Variants in CCDC77 observed in about 807,000 individuals in gnomAD.
The protein encoded by CCDC77 is coiled-coil domain containing 77, also known as coiled-coil domain-containing protein 77.
A neutral mutation model predicts 66.8 loss-of-function variants in CCDC77; 56 were observed. That is an observed-to-expected ratio of 0.84 (90% CI 0.68 to 1.05). CCDC77 has a LOEUF of 1.05. CCDC77 is among the 50% of genes least tolerant of loss of function. The pLI is 0.00. For missense variants in CCDC77, 570 were observed against 576.8 expected (o/e 0.99, Z 0.12); for synonymous variants, 196 against 195.2 (o/e 1.00, Z -0.03).
chr12:409,281 A>G, intron 2 of CCDC77, 87 bp from the exon 3 acceptor site: 3 of 840,682 alleles, frequency 3.6e-6, no homozygotes, highest in Admixed American at 2.2e-5. Flanking sequence ...AAATATGATG[A>G]TGTTGAAGAG....
chr12:402,066 A>G (rs1944906238), intron 1 of CCDC77, among the ~76,000 whole-genome samples: 1 of 152,228 alleles, frequency 6.6e-6, no homozygotes, highest in Non-Finnish European at 1.5e-5. Context: ...AATAAATTGT[A>G]CAGATTTGTC....
Position 411,986 on chromosome 12 carries a change from A to G in CCDC77, c.270+8A>G. The stretch of plus-strand genomic sequence containing the variant: ...GAAGCTTGTGAAGGACAGGTAAAGA[A>G]ACGATGCTGCTGCTTTAGAACTCTG... On this transcript the variant is annotated splice_region_variant and intron_variant, in intron 4 of 12. Transcript: ENST00000239830. 1 of 1,597,854 alleles carries G rather than the reference A, an allele frequency of 6.3e-7. No individual in the cohort carries two copies. The highest frequency in any genetic ancestry group is 1.1e-5 in the South Asian group (1 of 90,380).
At chr12:393,210 AG>A (rs1472094521) in intron 1 of CCDC77, among the ~76,000 whole-genome samples, 2 of 152,194 alleles carry the variant, frequency 1.3e-5, no homozygotes, top group Admixed American at 1.3e-4. Flanking sequence ...TCTTGGGCTC[AG>A]GCAATCCTCC....
upstream of CCDC77, among the ~76,000 whole-genome samples, chr12:398,225 A>G (rs1591954544): frequency 6.6e-6 from 1 of 152,226 alleles, no homozygotes; most frequent in African/African-American, 2.4e-5. Context: ...ACTTCTTTCA[A>G]AGTTGAAGTC....
chr12:432,019 C>A lies in CCDC77; in HGVS notation c.672+65C>A, dbSNP rs1316059616. ...CACAGGTGCAGCTCTATGTCACATACCCTCAGTGTCATGTGATAAGTATCT... is the reference window on the plus strand; with the variant it reads ...CACAGGTGCAGCTCTATGTCACATAACCTCAGTGTCATGTGATAAGTATCT... On this transcript the variant is annotated intron_variant, in intron 8 of 12. Coordinates refer to ENST00000239830, the MANE Select transcript of CCDC77 (RefSeq NM_032358.4). The A allele has an allele frequency of 3.3e-6, 3 of 897,280 alleles. No homozygotes were observed. In the African/African-American group the frequency reaches 5.1e-5, roughly 15 times the overall value. 55.6% of individuals were successfully genotyped at this position (897,280 alleles called of 1,614,324 possible).
intron 2 of CCDC77, among the ~76,000 whole-genome samples, chr12:406,465 G>A (rs1489639032): frequency 6.6e-6 from 1 of 152,234 alleles, no homozygotes; most frequent in East Asian, 1.9e-4. Context: ...ACAAGGATAA[G>A]AGTAGTAGGT....
At position 411,824 on chromosome 12, in the gene CCDC77, C is replaced by T; in HGVS notation, c.116C>T (p.Ser39Leu). 6.2e-7 allele frequency: 1 copy of T among 1,614,048 alleles called. No homozygotes were observed. The highest frequency in any genetic ancestry group is 8.5e-7 in the Non-Finnish European group (1 of 1,180,020). Residue 39 changes from serine to leucine, a missense_variant, in exon 4 of 13, where the codon TCA (serine) becomes TTA (leucine). Transcript: ENST00000239830. Reference sequence around the variant, plus strand: ...AGGGGAATGGCAGATTCACTGGAGTCAACCCCCTTGCCTTCCCCCGAAGAT... The same window carrying T: ...AGGGGAATGGCAGATTCACTGGAGTTAACCCCCTTGCCTTCCCCCGAAGAT... Reference protein sequence around the residue: ...KRRGMADSLESTPLPSPEDRL... With the variant: ...KRRGMADSLELTPLPSPEDRL...
At position 442,377 on chromosome 12, in the gene CCDC77, A is replaced by T. The variant is rs900374045; in HGVS notation, c.*457A>T. 1 of 154,078 alleles carries T rather than the reference A, an allele frequency of 6.5e-6. No individual in the cohort carries two copies. Among genetic ancestry groups the T allele is most frequent in the African/African-American group, 2.4e-5 (1 of 41,450 alleles). The allele number at this position is 154,078 out of a possible 1,614,324, so 9.5% of individuals were successfully genotyped here. A position where few individuals can be genotyped will look rare whatever the true frequency, so the allele number is the denominator to read the frequency against. The stretch of plus-strand genomic sequence containing the variant: ...AGCACATCACAACCTGTCACATTGA[A>T]ATAGGCGCTCATTCTGCTATTTCAC... On this transcript the variant is annotated 3_prime_UTR_variant, in exon 13 of 13. Coordinates refer to ENST00000239830, the MANE Select transcript of CCDC77 (RefSeq NM_032358.4).
intron 4 of CCDC77, among the ~76,000 whole-genome samples, chr12:412,784 C>T (rs1306783845): frequency 6.6e-6 from 1 of 152,146 alleles, no homozygotes; most frequent in East Asian, 1.9e-4. Flanking sequence ...CCTATCCTTA[C>T]TGGCTTTCCT....
chr12:412,696 G>A (rs980298548), intron 4 of CCDC77, among the ~76,000 whole-genome samples: 1 of 152,292 alleles, frequency 6.6e-6, no homozygotes, highest in African/African-American at 2.4e-5. Context: ...GTTGTAGAAA[G>A]GTCACAAATC....
upstream of CCDC77, among the ~76,000 whole-genome samples, chr12:399,359 C>T (rs772191364): frequency 5.9e-5 from 9 of 152,022 alleles, no homozygotes; most frequent in Admixed American, 1.3e-4. Flanking sequence ...CTAGTAGAAA[C>T]GGGGGTTTCT....
At chr12:392,449 T>C (rs954813206) in intron 1 of CCDC77, among the ~76,000 whole-genome samples, 6 of 152,010 alleles carry the variant, frequency 3.9e-5, no homozygotes, top group Admixed American at 3.9e-4. Flanking sequence ...CCTTTACTCT[T>C]AAAAATTATT....
chr12:438,563 C>A lies in CCDC77; in HGVS notation c.1041+9C>A, dbSNP rs1170261895. ...AAAGTGAATATATTAAGGTAATGTC[C>A]TTATGTCGTAACGAAGTTGTTTATT... is the stretch of plus-strand genomic sequence containing the variant. On this transcript the variant is annotated intron_variant, in intron 10 of 12. Coordinates refer to ENST00000239830, the MANE Select transcript of CCDC77 (RefSeq NM_032358.4). 2 of 1,578,514 alleles carry A rather than the reference C, an allele frequency of 1.3e-6. No homozygotes were observed. Among genetic ancestry groups the A allele is most frequent in the African/African-American group, 1.4e-5 (1 of 73,454 alleles).
At chr12:416,419 C>CTT (rs57980606) in intron 4 of CCDC77, among the ~76,000 whole-genome samples, 2 of 55,190 alleles carry the variant, frequency 3.6e-5, no homozygotes, top group African/African-American at 6.9e-5. Context: ...ATATATATTT[C>CTT]TTTTTTTTTT....
chr12:406,220 G>A (rs889090160), intron 2 of CCDC77, among the ~76,000 whole-genome samples: 2 of 152,094 alleles, frequency 1.3e-5, no homozygotes, highest in African/African-American at 4.8e-5. Flanking sequence ...AAGGTTGTAA[G>A]TGTTAATGGA....
rs1176914343 is a variant in CCDC77 at position 441,008 on chromosome 12, T to C, written c.1320+12T>C. 2 of 1,607,626 alleles carry C rather than the reference T, an allele frequency of 1.2e-6. No individual in the cohort carries two copies. The highest frequency in any genetic ancestry group is 1.7e-6 in the Non-Finnish European group (2 of 1,179,692). ...AAATGTTGTATAAGGTAATTGCTGG[T>C]CCTGAATTGCCACGAGGGAGAGAAG... On this transcript the variant is annotated intron_variant, in intron 12 of 12. Coordinates refer to ENST00000239830, the MANE Select transcript of CCDC77 (RefSeq NM_032358.4).
chr12:399,002 T>C (rs1486076510), upstream of CCDC77, among the ~76,000 whole-genome samples: 4 of 152,138 alleles, frequency 2.6e-5, no homozygotes, highest in African/African-American at 7.2e-5. Flanking sequence ...TCCACCCACG[T>C]TGGCCTTCCA....
At position 442,094 on chromosome 12, in the gene CCDC77, C is replaced by T; in HGVS notation, c.*174C>T. On this transcript the variant is annotated 3_prime_UTR_variant, in exon 13 of 13. Coordinates refer to ENST00000239830, the MANE Select transcript of CCDC77 (RefSeq NM_032358.4). ...ACTAGGAAAGCTTTTCTTGCATACT[C>T]AGCTTGCTTTATCATTTTTGCTGTC... 1 of 669,048 alleles carries T rather than the reference C, an allele frequency of 1.5e-6. No homozygotes were observed. The highest frequency in any genetic ancestry group is 2.0e-5 in the South Asian group (1 of 49,778). 41.4% of individuals were successfully genotyped at this position (669,048 alleles called of 1,614,324 possible). A position where few individuals can be genotyped will look rare whatever the true frequency, so the allele number is the denominator to read the frequency against.
rs1220885676 is a variant in CCDC77 at position 431,057 on chromosome 12, G to A, written c.583+321G>A. The stretch of plus-strand genomic sequence containing the variant: ...ATCGTGCCATTGCGTGACAGAGCAA[G>A]ACTATCTCCAAAAAAAAAAAAAAAA... On this transcript the variant is annotated intron_variant, in intron 7 of 12. Transcript: ENST00000239830. Among the ~76,000 whole-genome samples the A allele has an allele frequency of 3.0e-5, 3 of 99,106 alleles. No homozygotes were observed. In the Admixed American group the frequency reaches 4.0e-4, roughly 13 times the overall value. The allele number at this position is 99,106 out of a possible 152,430, so 65.0% of individuals were successfully genotyped here. A position where few individuals can be genotyped will look rare whatever the true frequency, so the allele number is the denominator to read the frequency against.
Sources: gnomAD v4.1 joint callset for allele counts (sites outside exome capture counted in the v4.1 genomes callset) on GRCh38, gnomAD v4.1.1 for gene constraint, MANE v1.5 for transcripts, NCBI Gene and HGNC (gene_info 2026-07-23, HGNC 2026-07-21) for gene names.